Variants in PLEKHG1 observed in about 807,000 individuals in gnomAD.
The protein encoded by PLEKHG1 is pleckstrin homology domain-containing family G member 1.
Under a neutral mutation model 100.8 loss-of-function variants are expected in PLEKHG1, and 44 were observed. The observed-to-expected ratio is 0.44, with a 90% CI of 0.34 to 0.56. PLEKHG1 has a LOEUF of 0.56. PLEKHG1 is among the 20% of genes least tolerant of loss of function. The probability of loss-of-function intolerance (pLI) is 0.01; values close to 1 mark genes in which losing one functional copy is unlikely to be tolerated. For synonymous variants in PLEKHG1, 640 were observed against 662.5 expected, an observed-to-expected ratio of 0.97 and a Z score of 0.52; for missense variants, 1,545 against 1,720.9, an observed-to-expected ratio of 0.90 and a Z score of 1.81.
At chr6:150,652,480 T>C (rs961959269) in intron 3 of PLEKHG1, among the ~76,000 whole-genome samples, 1 of 152,174 alleles carries the variant, frequency 6.6e-6, no homozygotes, top group Non-Finnish European at 1.5e-5. Flanking sequence ...CCCAGCACTT[T>C]GGGAGGCCGA....
chr6:150,714,954 G>A (rs972949795), intron 3 of PLEKHG1, among the ~76,000 whole-genome samples: 6 of 151,784 alleles, frequency 4.0e-5, no homozygotes, highest in African/African-American at 7.3e-5. Context: ...GACTACAGGC[G>A]TGCACCACCA....
chr6:150,812,259 A>T (rs1211138520), intron 10 of PLEKHG1, among the ~76,000 whole-genome samples: 1 of 152,178 alleles, frequency 6.6e-6, no homozygotes, highest in Non-Finnish European at 1.5e-5. Flanking sequence ...CAGTAATTGA[A>T]GCCCTAAGGT....
At chr6:150,733,936 G>A (rs1490733762) in exon 2 of PLEKHG1, 1 of 1,614,208 alleles carries the variant, frequency 6.2e-7, no homozygotes, top group South Asian at 1.1e-5. Flanking sequence ...GCAGCGAAAG[G>A]CCACCCAGAG....
chr6:150,650,826 A>T (rs1778700124), intron 3 of PLEKHG1, 40 bp downstream of exon 2: 1 of 152,238 alleles, frequency 6.6e-6, no homozygotes, highest in African/African-American at 2.4e-5. Flanking sequence ...AGTATGAAAC[A>T]TATGTTAAAA....
intron 1 of PLEKHG1, among the ~76,000 whole-genome samples, chr6:150,614,090 C>A (rs1354254915): frequency 6.6e-6 from 1 of 152,070 alleles, no homozygotes; most frequent in East Asian, 1.9e-4. Context: ...AAGTCAGCAC[C>A]ACAAAAAATA....
At chr6:150,828,613 A>G (rs1201234695) in intron 14 of PLEKHG1, among the ~76,000 whole-genome samples, 1 of 151,164 alleles carries the variant, frequency 6.6e-6, no homozygotes, top group Non-Finnish European at 1.5e-5. Context: ...AGCCATTTGT[A>G]TGGCAAAAAA....
chr6:150,715,472 A>G (rs1781391170), intron 3 of PLEKHG1, among the ~76,000 whole-genome samples: 1 of 143,684 alleles, frequency 7.0e-6, no homozygotes, highest in Non-Finnish European at 1.5e-5. Flanking sequence ...AACGTTCATC[A>G]CTATTTTTTT....
intron 3 of PLEKHG1, among the ~76,000 whole-genome samples, chr6:150,680,528 GAGTCATT>G (rs2128588862): frequency 6.6e-6 from 1 of 152,306 alleles, no homozygotes. Context: ...AAATATAAAT[GAGTCATT>G]GGCTGATCCT....
intron 14 of PLEKHG1, among the ~76,000 whole-genome samples, chr6:150,824,047 G>C (rs17080353): frequency 0.022 from 3,286 of 152,240 alleles, 42 homozygotes; most frequent in South Asian, 0.036. Flanking sequence ...CTGCCTCCTG[G>C]ATATAACTCC....
chr6:150,611,577 C>T (rs1976219), intron 1 of PLEKHG1, among the ~76,000 whole-genome samples: 6,938 of 152,084 alleles, frequency 0.046, 377 homozygotes, highest in African/African-American at 0.12. Flanking sequence ...TTTGGGAGGC[C>T]GAGGCAGGTG....
intron 14 of PLEKHG1, among the ~76,000 whole-genome samples, chr6:150,827,481 G>A (rs1479379165): frequency 6.6e-6 from 1 of 152,058 alleles, no homozygotes; most frequent in African/African-American, 2.4e-5. Context: ...TCTTCATGTT[G>A]GTCAGGCTGG....
intron 1 of PLEKHG1, among the ~76,000 whole-genome samples, chr6:150,624,464 T>A (rs1380533915): frequency 6.6e-6 from 1 of 152,232 alleles, no homozygotes; most frequent in Non-Finnish European, 1.5e-5. Flanking sequence ...CCTAGCAATG[T>A]GACTGCTATA....
intron 3 of PLEKHG1, 132 bp downstream of exon 2, chr6:150,650,918 T>C (rs1218053168): frequency 2.0e-5 from 3 of 152,222 alleles, no homozygotes; most frequent in African/African-American, 7.2e-5. Context: ...TTTTCAAGTA[T>C]AGCAGTCCCC....
chr6:150,605,466 G>T (rs1422837236), intron 1 of PLEKHG1: 1 of 152,204 alleles, frequency 6.6e-6, no homozygotes, highest in Admixed American at 6.5e-5. Context: ...AAAGCATTTA[G>T]TTCAGAGTCT....
chr6:150,639,953 G>A (rs1443481757), intron 2 of PLEKHG1, among the ~76,000 whole-genome samples: 1 of 152,210 alleles, frequency 6.6e-6, no homozygotes, highest in South Asian at 2.1e-4. Context: ...AGGTTTCTAC[G>A]CAACTCTGTC....
chr6:150,809,615 A>G (rs1411138998), intron 9 of PLEKHG1, 33 bp from the exon 11 acceptor site: 1 of 1,577,270 alleles, frequency 6.3e-7, no homozygotes. Flanking sequence ...GGTGGAATCA[A>G]GTTGTCTGAC....
At chr6:150,797,935 C>A (rs979385100) in intron 5 of PLEKHG1, among the ~76,000 whole-genome samples, 2 of 150,414 alleles carry the variant, frequency 1.3e-5, no homozygotes, top group Non-Finnish European at 3.0e-5. Flanking sequence ...TTGGAGGACC[C>A]CTGCTTTCCC....
intron 1 of PLEKHG1, among the ~76,000 whole-genome samples, chr6:150,621,694 A>G (rs1164159741): frequency 6.6e-6 from 1 of 152,114 alleles, no homozygotes; most frequent in Non-Finnish European, 1.5e-5. Flanking sequence ...CACTTTAAAC[A>G]CTATAAGCCC....
At chr6:150,818,407 G>A (rs927599867) in intron 11 of PLEKHG1, among the ~76,000 whole-genome samples, 191 bp downstream of exon 12, 3 of 152,110 alleles carry the variant, frequency 2.0e-5, no homozygotes, top group Admixed American at 2.0e-4. Context: ...GGTTCTCCCA[G>A]GTTTATCTGA....
Sources: gnomAD v4.1 joint callset for allele counts (sites outside exome capture counted in the v4.1 genomes callset) on GRCh38, gnomAD v4.1.1 for gene constraint, MANE v1.5 for transcripts, NCBI Gene and HGNC (gene_info 2026-07-23, HGNC 2026-07-21) for gene names.